The following RGPD2 variants were observed in gnomAD, a reference collection of about 807,000 sequenced individuals.
RGPD2 encodes RANBP2-like and GRIP domain-containing protein 2.
In RGPD2, 2 loss-of-function variants were observed where a neutral mutation model predicts 36.0. The ratio of observed to expected loss-of-function variants is 0.06; its 90% confidence interval spans 0.02 to 0.17. The LOEUF is 0.17. RGPD2 is among the 10% of genes least tolerant of loss of function. The probability of loss-of-function intolerance (pLI) is 1.00; values close to 1 mark genes in which losing one functional copy is unlikely to be tolerated. For missense variants in RGPD2, 40 were observed against 464.3 expected, an observed-to-expected ratio of 0.09 and a Z score of 8.40; for synonymous variants, 19 against 163.8, an observed-to-expected ratio of 0.12 and a Z score of 6.75.
At chr2:87,965,205 A>G in the RGPD2 span, among the ~76,000 whole-genome samples, 36 of 139,888 alleles carry the variant, frequency 2.6e-4, no homozygotes, top group Non-Finnish European at 5.1e-4. Context: ...ATGAGTATCA[A>G]TAGTCTCCAA....
the RGPD2 span, among the ~76,000 whole-genome samples, chr2:87,930,836 T>A: frequency 6.7e-6 from 1 of 149,706 alleles, no homozygotes; most frequent in Admixed American, 6.7e-5. Context: ...CTTCCAGTTT[T>A]TTTTTTTTTT....
At chr2:87,829,590 C>A (rs561790916), upstream of RGPD2, among the ~76,000 whole-genome samples, 1 of 150,814 alleles carries the variant, frequency 6.6e-6, no homozygotes, top group African/African-American at 2.4e-5. Context: ...GGAGCAAAGG[C>A]AAGTCTTAGA....
chr2:87,988,541 A>ATATATATATTTTTTTT, the RGPD2 span, among the ~76,000 whole-genome samples: 1 of 54,150 alleles, frequency 1.8e-5, no homozygotes, highest in Admixed American at 3.1e-4. Context: ...ATATATATAT[A>ATATATATATTTTTTTT]TTTTTTTTTT....
chr2:87,881,750 T>C, the RGPD2 span, among the ~76,000 whole-genome samples: 1 of 151,430 alleles, frequency 6.6e-6, no homozygotes, highest in Admixed American at 6.6e-5. Context: ...TTCAGGTATC[T>C]TTATGAAAAT....
chr2:87,912,151 T>A, the RGPD2 span, among the ~76,000 whole-genome samples: 16 of 148,652 alleles, frequency 1.1e-4, no homozygotes, highest in East Asian at 2.0e-3. Context: ...AGCACTGTTT[T>A]ATAACTTTTA....
the RGPD2 span, among the ~76,000 whole-genome samples, chr2:87,892,757 T>G: frequency 4.2e-4 from 63 of 150,518 alleles, no homozygotes; most frequent in East Asian, 3.3e-3. Flanking sequence ...TACGTTTTCA[T>G]AAATCCTTAT....
chr2:87,852,775 T>G, the RGPD2 span, among the ~76,000 whole-genome samples: 1 of 152,298 alleles, frequency 6.6e-6, no homozygotes, highest in African/African-American at 2.4e-5. Context: ...GCATGTCACC[T>G]TATTATGGGC....
At chr2:87,988,565 G>A in the RGPD2 span, among the ~76,000 whole-genome samples, 2 of 70,406 alleles carry the variant, frequency 2.8e-5, no homozygotes, top group Admixed American at 1.8e-4. Flanking sequence ...TTTTGAGACT[G>A]AGTCTCACTC....
At chr2:87,872,883 A>G in the RGPD2 span, among the ~76,000 whole-genome samples, 1 of 152,042 alleles carries the variant, frequency 6.6e-6, no homozygotes, top group Non-Finnish European at 1.5e-5. Flanking sequence ...CCTCAGCCTC[A>G]TGAGTAGCTG....
chr2:87,984,121 A>T, the RGPD2 span, among the ~76,000 whole-genome samples: 4 of 148,318 alleles, frequency 2.7e-5, no homozygotes, highest in Non-Finnish European at 6.0e-5. Context: ...TAAATAACTG[A>T]TGAAAATTTG....
At chr2:87,805,566 TA>T (rs558542876) in intron 7 of RGPD2, among the ~76,000 whole-genome samples, 28 of 140,168 alleles carry the variant, frequency 2.0e-4, no homozygotes, top group South Asian at 4.7e-4. Context: ...GCAAGCTCAT[TA>T]AAAAAAAAAG....
At chr2:87,871,593 C>T in the RGPD2 span, among the ~76,000 whole-genome samples, 2 of 150,960 alleles carry the variant, frequency 1.3e-5, no homozygotes, top group African/African-American at 2.4e-5. Context: ...GGTCCGGGTG[C>T]GGTGGCTCAC....
At chr2:87,826,179 G>A (rs73947521), upstream of RGPD2, among the ~76,000 whole-genome samples, 26,027 of 152,126 alleles carry the variant, frequency 0.17, 2,401 homozygotes, top group Non-Finnish European at 0.21. Flanking sequence ...GATACTACTT[G>A]TAAAGTCTAT....
chr2:87,961,517 A>G, the RGPD2 span, among the ~76,000 whole-genome samples: 1 of 152,002 alleles, frequency 6.6e-6, no homozygotes, highest in African/African-American at 2.4e-5. Context: ...CCTGGCCAAC[A>G]TGGCGAAAGC....
At chr2:87,876,681 A>G in the RGPD2 span, among the ~76,000 whole-genome samples, 1 of 152,258 alleles carries the variant, frequency 6.6e-6, no homozygotes, top group African/African-American at 2.4e-5. Flanking sequence ...TGTATATTAT[A>G]TTTTGTTGTT....
At chr2:87,983,993 G>A in the RGPD2 span, among the ~76,000 whole-genome samples, 5 of 151,750 alleles carry the variant, frequency 3.3e-5, no homozygotes, top group South Asian at 2.1e-4. Flanking sequence ...GGGATTCTAC[G>A]CAGAGGCGTG....
upstream of RGPD2, among the ~76,000 whole-genome samples, chr2:87,830,763 A>G (rs1191508912): frequency 6.6e-6 from 1 of 152,198 alleles, no homozygotes; most frequent in Non-Finnish European, 1.5e-5. Context: ...GAGCATGTGC[A>G]GGGGAACTGC....
chr2:87,970,111 C>T, the RGPD2 span, among the ~76,000 whole-genome samples: 2 of 150,592 alleles, frequency 1.3e-5, no homozygotes, highest in African/African-American at 4.9e-5. Context: ...TTTTTTCTTC[C>T]TTTTTTTTCT....
At chr2:87,884,896 CA>C in the RGPD2 span, among the ~76,000 whole-genome samples, 2 of 152,220 alleles carry the variant, frequency 1.3e-5, no homozygotes, top group Admixed American at 1.3e-4. Flanking sequence ...GAAACTCTTC[CA>C]AAAAATTGAA....
Sources: allele counts gnomAD v4.1 joint callset (sites outside exome capture counted in the v4.1 genomes callset), GRCh38; gene constraint gnomAD v4.1.1; transcripts MANE v1.5; gene names NCBI Gene and HGNC (gene_info 2026-07-23, HGNC 2026-07-21).